LIMS1: variants seen among roughly 807,000 people sequenced by gnomAD.
LIMS1 encodes LIM and senescent cell antigen-like-containing domain protein 1.
In LIMS1, 18 loss-of-function variants were observed where a neutral mutation model predicts 44.1. That is an observed-to-expected ratio of 0.41 (90% confidence interval 0.28 to 0.61). The LOEUF (loss-of-function observed/expected upper bound fraction) is 0.61. Among genes scored for constraint, LIMS1 ranks in the 20% least tolerant of loss-of-function variants. LIMS1 has a pLI of 0.32. For missense variants in LIMS1, 201 were observed against 422.0 expected (o/e 0.48, Z 4.59); for synonymous variants, 93 against 149.1 (o/e 0.62, Z 2.74).
chr2:108,589,901 G>A (rs1039068489), intron 1 of LIMS1, among the ~76,000 whole-genome samples: 2 of 152,114 alleles, frequency 1.3e-5, no homozygotes, highest in African/African-American at 4.8e-5. Flanking sequence ...GAAAAGATAC[G>A]TGATGTAATT....
intron 1 of LIMS1, among the ~76,000 whole-genome samples, chr2:108,626,088 A>G (rs574847984): frequency 6.6e-6 from 1 of 152,250 alleles, no homozygotes; most frequent in Non-Finnish European, 1.5e-5. Flanking sequence ...CTTGATTCAA[A>G]TAAGTTAGTG....
exon 10 of LIMS1, chr2:108,684,844 T>C (rs182766860): frequency 6.6e-6 from 1 of 152,270 alleles, no homozygotes; most frequent in East Asian, 1.9e-4. Context: ...TGGAATATAT[T>C]GCTTCAGAAA....
intron 1 of LIMS1, among the ~76,000 whole-genome samples, chr2:108,620,007 T>A (rs181617512): frequency 7.2e-4 from 110 of 152,292 alleles, no homozygotes; most frequent in Middle Eastern, 3.4e-3. Flanking sequence ...GTGACAAAAA[T>A]GGTAAATTTT....
intron 1 of LIMS1, among the ~76,000 whole-genome samples, chr2:108,544,294 C>T (rs930135145): frequency 6.6e-6 from 1 of 152,084 alleles, no homozygotes; most frequent in African/African-American, 2.4e-5. Context: ...ACAGTGCTCT[C>T]AAAACATGGG....
chr2:108,652,740 CTG>C (rs924551260), intron 1 of LIMS1, among the ~76,000 whole-genome samples: 1 of 152,154 alleles, frequency 6.6e-6, no homozygotes, highest in African/African-American at 2.4e-5. Context: ...ACTGGGGAGA[CTG>C]TGAGGGAGAA....
At chr2:108,623,889 C>T (rs1260419948) in intron 1 of LIMS1, among the ~76,000 whole-genome samples, 1 of 152,236 alleles carries the variant, frequency 6.6e-6, no homozygotes, top group Non-Finnish European at 1.5e-5. Context: ...AGGCTGTGCT[C>T]TGAAACACGA....
In LIMS1 at chr2:108,534,410, C is replaced by CA. The variant is rs1321392708; in HGVS notation, c.-153_-152insA. The CA allele has an allele frequency of 1.1e-3, 450 of 409,208 alleles. 1 individual carries two copies. Among genetic ancestry groups the CA allele is most frequent in the African/African-American group, 8.9e-3 (413 of 46,412 alleles). 25.3% of individuals were successfully genotyped at this position (409,208 alleles called of 1,614,324 possible). On this transcript the variant is annotated 5_prime_UTR_variant, in exon 1 of 10. Coordinates refer to ENST00000544547, the Ensembl canonical transcript of LIMS1. Reference sequence around the variant, plus strand: ...CGCGGCCCGCCTCGCCTTCCCCCCCCTCCCGCGCCCCCGCGCGGCCGGCCC... The same window carrying CA: ...CGCGGCCCGCCTCGCCTTCCCCCCCCATCCCGCGCCCCCGCGCGGCCGGCCC...
chr2:108,616,471 A>T (rs1487729869), intron 1 of LIMS1, among the ~76,000 whole-genome samples: 1 of 152,298 alleles, frequency 6.6e-6, no homozygotes, highest in East Asian at 1.9e-4. Context: ...TCGGCCTCCC[A>T]CATTGCTGGG....
intron 1 of LIMS1, among the ~76,000 whole-genome samples, chr2:108,579,019 C>G (rs1470391819): frequency 1.3e-5 from 2 of 152,220 alleles, no homozygotes; most frequent in East Asian, 3.9e-4. Flanking sequence ...ATTCATTATC[C>G]TATATCACTT....
chr2:108,631,682 G>T (rs1422805741), intron 1 of LIMS1, among the ~76,000 whole-genome samples: 1 of 152,034 alleles, frequency 6.6e-6, no homozygotes, highest in Non-Finnish European at 1.5e-5. Flanking sequence ...TGTCAACCTG[G>T]ATGTTGTCAC....
chr2:108,679,339 G>T (rs1692790345), intron 8 of LIMS1, among the ~76,000 whole-genome samples: 1 of 151,994 alleles, frequency 6.6e-6, no homozygotes, highest in South Asian at 2.1e-4. Flanking sequence ...ACTTAGCTGG[G>T]TGTGGTGGTG....
chr2:108,534,629 GC>G, intron 1 of LIMS1, 35 bp downstream of exon 1: 1 of 1,096,902 alleles, frequency 9.1e-7, no homozygotes, highest in Non-Finnish European at 1.1e-6. Flanking sequence ...CGCCACGTCC[GC>G]CCCGCAGCTC....
intron 2 of LIMS1, chr2:108,660,278 G>A (rs1691262224): frequency 2.1e-6 from 1 of 468,004 alleles, no homozygotes; most frequent in Non-Finnish European, 4.4e-6. Flanking sequence ...AGTATTTTAG[G>A]GAACTATACT....
chr2:108,581,949 AAAC>A lies in LIMS1; in HGVS notation c.32+47358_32+47360del, dbSNP rs528850709. Among the ~76,000 whole-genome samples the A allele has an allele frequency of 4.2e-3, 643 of 151,950 alleles. 3 individuals carry two copies. The highest frequency in any genetic ancestry group is 0.013 in the South Asian group (63 of 4,812). ...TGAAACTCCATCTCAAAAAAAAAAA[AAAC>A]AAACAAAAAATACTTGCTATATGAT... On this transcript the variant is annotated intron_variant, in intron 1 of 9. Transcript: ENST00000544547.
At chr2:108,550,108 A>G (rs1684630820) in intron 1 of LIMS1, among the ~76,000 whole-genome samples, 1 of 152,228 alleles carries the variant, frequency 6.6e-6, no homozygotes, top group Admixed American at 6.5e-5. Context: ...TATTATTCAG[A>G]AAAACAGGAT....
rs1688201944 is a variant in LIMS1 at position 108,620,963 on chromosome 2, AC to A, written c.33-38639del. Among the ~76,000 whole-genome samples the A allele has an allele frequency of 3.9e-5, 6 of 152,186 alleles. No homozygotes were observed. The South Asian group carries it at 1.2e-3, about 32-fold the overall frequency. ...ATTTCCTGGCAAATAAAACAGCAGGACCCTTCTTTAGCGACTACCTTACTGG... is the reference window on the plus strand; with the variant it reads ...ATTTCCTGGCAAATAAAACAGCAGGACCTTCTTTAGCGACTACCTTACTGG... On this transcript the variant is annotated intron_variant, in intron 1 of 9. Transcript: ENST00000544547.
intron 1 of LIMS1, among the ~76,000 whole-genome samples, chr2:108,536,199 T>G (rs1356476795): frequency 2.6e-5 from 4 of 152,246 alleles, no homozygotes; most frequent in African/African-American, 9.6e-5. Flanking sequence ...ATTAGTAATT[T>G]ACTTTTTGGA....
chr2:108,607,235 C>T (rs1007112279), intron 1 of LIMS1: 11 of 1,550,924 alleles, frequency 7.1e-6, no homozygotes, highest in African/African-American at 5.5e-5. Flanking sequence ...AGGGACACAT[C>T]GAATCAAGAT....
At chr2:108,612,012 AT>A (rs1687671059) in intron 1 of LIMS1, among the ~76,000 whole-genome samples, 30 of 137,606 alleles carry the variant, frequency 2.2e-4, no homozygotes, top group East Asian at 4.9e-4. Context: ...ACACACATAT[AT>A]ATATACACAC....
Sources: gnomAD v4.1 joint callset for allele counts (sites outside exome capture counted in the v4.1 genomes callset) on GRCh38, gnomAD v4.1.1 for gene constraint, MANE v1.5 for transcripts, NCBI Gene and HGNC (gene_info 2026-07-23, HGNC 2026-07-21) for gene names.